The following FRMD4B variants were observed in gnomAD, a reference collection of about 807,000 sequenced individuals.
FRMD4B encodes the protein FERM domain containing 4B, also known as FERM domain-containing protein 4B.
A neutral mutation model predicts 141.5 loss-of-function variants in FRMD4B; 74 were observed. That is an observed-to-expected ratio of 0.52 (90% CI 0.43 to 0.63). The LOEUF (loss-of-function observed/expected upper bound fraction) is 0.63, where lower values mean the gene tolerates loss of function less well. Ranked by LOEUF, FRMD4B falls within the 30% of genes least tolerant of loss-of-function variation. The probability of loss-of-function intolerance (pLI) is 0.00; values close to 1 mark genes in which losing one functional copy is unlikely to be tolerated. For missense variants in FRMD4B, 1,366 were observed against 1,253.4 expected (o/e 1.09, Z -1.36); for synonymous variants, 506 against 467.9 (o/e 1.08, Z -1.05).
intron 5 of FRMD4B, among the ~76,000 whole-genome samples, chr3:69,281,365 T>A (rs1183768415): frequency 1.3e-5 from 2 of 152,186 alleles, no homozygotes; most frequent in Non-Finnish European, 2.9e-5. Flanking sequence ...GATGTTTAAT[T>A]TCTTAGTAAA....
intron 1 of FRMD4B, among the ~76,000 whole-genome samples, chr3:69,495,842 A>G (rs918445032): frequency 6.6e-5 from 10 of 152,312 alleles, no homozygotes; most frequent in South Asian, 2.1e-4. Flanking sequence ...GTTGAAATAT[A>G]TATTTAAATT....
chr3:69,203,996 T>A lies in FRMD4B; in HGVS notation c.877-5222A>T, dbSNP rs759706355. Among the ~76,000 whole-genome samples, 27 of 152,166 alleles carry A rather than the reference T, an allele frequency of 1.8e-4. 1 individual carries two copies. The highest frequency in any genetic ancestry group is 7.4e-5 in the Non-Finnish European group (5 of 68,026). On this transcript the variant is annotated intron_variant, in intron 11 of 22. Transcript: ENST00000398540. ...TTCAGGCTTTATAAAAACTGGCTGC[T>A]CTATTTCTGTTTATTTCATTGGGGG...
rs147770413 is a variant in FRMD4B at position 69,355,097 on chromosome 3, T to C, written c.162+30731A>G. 9.1e-3 allele frequency among the ~76,000 whole-genome samples: 1,380 copies of C among 152,018 alleles called. 24 individuals carry two copies. Among genetic ancestry groups the C allele is most frequent in the African/African-American group, 0.031 (1,293 of 41,482 alleles). On this transcript the variant is annotated intron_variant, in intron 1 of 22. Coordinates refer to ENST00000398540, the MANE Select transcript of FRMD4B (RefSeq NM_015123.3). ...ATATGGAGATTGAAAAAGTGCTATA[T>C]AGCTCAAACAACTTGGGCAGAAGTG... is the stretch of plus-strand genomic sequence containing the variant.
chr3:69,428,085 G>T lies in FRMD4B; in HGVS notation c.-1+4549C>A, dbSNP rs80275902. Among the ~76,000 whole-genome samples, 143 of 152,168 alleles carry T rather than the reference G, an allele frequency of 9.4e-4. 1 individual carries two copies. The East Asian group carries it at 0.025, about 26-fold the overall frequency. On this transcript the variant is annotated intron_variant, in intron 2 of 5. Coordinates refer to the FRMD4B transcript ENST00000459638. ...ATCAGTGCACTCAAGCTTTTCAGTT[G>T]TAACTATGCAGTAGAAATCTTAAAA...
intron 1 of FRMD4B, among the ~76,000 whole-genome samples, chr3:69,479,344 C>T (rs1048925595): frequency 4.6e-5 from 7 of 151,974 alleles, no homozygotes; most frequent in African/African-American, 1.7e-4. Context: ...GTGGCTGGTA[C>T]CGGTTGTTCC....
chr3:69,538,491 T>C (rs978067904), intron 1 of FRMD4B, among the ~76,000 whole-genome samples: 2 of 152,152 alleles, frequency 1.3e-5, no homozygotes, highest in African/African-American at 4.8e-5. Context: ...TGACTCAAAG[T>C]CTCATGAAAT....
chr3:69,476,125 T>G (rs1705992581), intron 1 of FRMD4B, among the ~76,000 whole-genome samples: 1 of 150,958 alleles, frequency 6.6e-6, no homozygotes, highest in Non-Finnish European at 1.5e-5. Flanking sequence ...ATGAGTAGGT[T>G]GTGAAAATTT....
intron 2 of FRMD4B, among the ~76,000 whole-genome samples, chr3:69,399,332 C>T (rs192619200): frequency 4.6e-5 from 7 of 152,306 alleles, no homozygotes; most frequent in Admixed American, 4.6e-4. Context: ...CCAGGTGAAA[C>T]CCAGCCCTTC....
chr3:69,496,460 T>C (rs1706389815), intron 1 of FRMD4B, among the ~76,000 whole-genome samples: 1 of 152,144 alleles, frequency 6.6e-6, no homozygotes, highest in African/African-American at 2.4e-5. Context: ...AGGGTCAGTC[T>C]TGGGACTTGT....
intron 1 of FRMD4B, among the ~76,000 whole-genome samples, chr3:69,500,105 T>A (rs1206764476): frequency 2.0e-5 from 3 of 151,962 alleles, no homozygotes; most frequent in Admixed American, 6.5e-5. Context: ...ACAGGCAGAG[T>A]AGGCCAAGCC....
chr3:69,350,698 A>G (rs1703112627), intron 1 of FRMD4B, among the ~76,000 whole-genome samples: 1 of 152,232 alleles, frequency 6.6e-6, no homozygotes, highest in Admixed American at 6.5e-5. Context: ...GCTGGAAACT[A>G]TCATTCTCAG....
intron 1 of FRMD4B, among the ~76,000 whole-genome samples, chr3:69,460,944 A>T (rs1404063937): frequency 6.6e-6 from 1 of 152,200 alleles, no homozygotes; most frequent in East Asian, 1.9e-4. Flanking sequence ...CACCATGAGA[A>T]ATGGCTATTC....
At chr3:69,248,609 C>T (rs922214796) in intron 7 of FRMD4B, among the ~76,000 whole-genome samples, 5 of 152,216 alleles carry the variant, frequency 3.3e-5, no homozygotes, top group African/African-American at 1.2e-4. Context: ...GGAAGCATTG[C>T]CTCCACCCTT....
At chr3:69,541,828 G>A (rs576290639) in intron 1 of FRMD4B, among the ~76,000 whole-genome samples, 1 of 149,528 alleles carries the variant, frequency 6.7e-6, no homozygotes, top group South Asian at 2.1e-4. Flanking sequence ...AGTATCTCTG[G>A]GGGCCAGATC....
intron 11 of FRMD4B, chr3:69,199,336 A>T (rs1037267341): frequency 6.6e-6 from 1 of 152,622 alleles, no homozygotes; most frequent in Non-Finnish European, 1.5e-5. Flanking sequence ...CATCTGTGGA[A>T]GAACATGTAC....
chr3:69,233,521 C>A (rs996430633), intron 7 of FRMD4B, among the ~76,000 whole-genome samples: 2 of 150,580 alleles, frequency 1.3e-5, no homozygotes, highest in African/African-American at 4.9e-5. Flanking sequence ...GTCTGGAGTT[C>A]TTTTTTCACC....
chr3:69,397,069 C>T (rs1704485750), intron 2 of FRMD4B, among the ~76,000 whole-genome samples: 1 of 152,138 alleles, frequency 6.6e-6, no homozygotes, highest in South Asian at 2.1e-4. Flanking sequence ...TGAATGTTCA[C>T]AGAAGCATTC....
At chr3:69,243,971 G>A (rs1207352799) in intron 7 of FRMD4B, among the ~76,000 whole-genome samples, 2 of 152,114 alleles carry the variant, frequency 1.3e-5, no homozygotes, top group African/African-American at 2.4e-5. Context: ...GCTTGAACCC[G>A]GGAGGCGGAG....
chr3:69,184,848 T>C (rs1214795650), intron 19 of FRMD4B, among the ~76,000 whole-genome samples: 1 of 152,192 alleles, frequency 6.6e-6, no homozygotes, highest in Non-Finnish European at 1.5e-5. Flanking sequence ...CTAGCATGAC[T>C]GAGGAACCAA....
Sources: allele counts gnomAD v4.1 joint callset (sites outside exome capture counted in the v4.1 genomes callset), GRCh38; gene constraint gnomAD v4.1.1; transcripts MANE v1.5; gene names NCBI Gene and HGNC (gene_info 2026-07-23, HGNC 2026-07-21).